The following FAF1 variants were observed in gnomAD, a reference collection of about 807,000 sequenced individuals.
FAF1 encodes the protein FAS-associated factor 1.
Under a neutral mutation model 92.5 loss-of-function variants are expected in FAF1, and 25 were observed. The ratio of observed to expected loss-of-function variants is 0.27; its 90% CI spans 0.20 to 0.38. FAF1 has a LOEUF of 0.38. Ranked by LOEUF, FAF1 falls within the 10% of genes least tolerant of loss-of-function variation. FAF1 has a pLI of 1.00. For missense variants in FAF1, 636 were observed against 793.3 expected (o/e 0.80, Z 2.38); for synonymous variants, 234 against 273.2 (o/e 0.86, Z 1.42).
At chr1:50,491,858 A>T in intron 15 of FAF1, 57 bp from the exon 16 acceptor site, 2 of 1,376,486 alleles carry the variant, frequency 1.5e-6, no homozygotes, top group Non-Finnish European at 2.0e-6. Flanking sequence ...GAAAAAAAAG[A>T]GAAAAAAAAC....
intron 15 of FAF1, among the ~76,000 whole-genome samples, chr1:50,510,810 G>C (rs1488132519): frequency 6.6e-6 from 1 of 151,888 alleles, no homozygotes; most frequent in East Asian, 1.9e-4. Flanking sequence ...TAATATACTA[G>C]TCAGAATAGA....
intron 8 of FAF1, among the ~76,000 whole-genome samples, chr1:50,598,601 ACTCAAAGT>A (rs1333001480): frequency 1.3e-5 from 2 of 152,066 alleles, no homozygotes; most frequent in African/African-American, 4.8e-5. Context: ...GTGAGTGAAT[ACTCAAAGT>A]CCATTTGAAG....
chr1:50,930,508 A>C (rs1645039140), intron 1 of FAF1, among the ~76,000 whole-genome samples: 1 of 152,212 alleles, frequency 6.6e-6, no homozygotes, highest in South Asian at 2.1e-4. Flanking sequence ...AATGGTAATA[A>C]CAACAATCTT....
intron 1 of FAF1, among the ~76,000 whole-genome samples, chr1:50,883,227 A>G (rs1444677732): frequency 2.0e-5 from 3 of 152,172 alleles, no homozygotes; most frequent in Non-Finnish European, 4.4e-5. Context: ...TCTGAAATAA[A>G]AAGAAAAATA....
intron 7 of FAF1, among the ~76,000 whole-genome samples, chr1:50,665,895 G>A (rs984593399): frequency 1.3e-5 from 2 of 152,026 alleles, no homozygotes; most frequent in Admixed American, 1.3e-4. Flanking sequence ...AAAAAGATCA[G>A]GCCAGGTGCA....
intron 7 of FAF1, among the ~76,000 whole-genome samples, chr1:50,678,579 A>C (rs1656260926): frequency 6.6e-6 from 1 of 151,894 alleles, no homozygotes; most frequent in Non-Finnish European, 1.5e-5. Flanking sequence ...CAGGAGATAG[A>C]GACCATCCTG....
intron 12 of FAF1, among the ~76,000 whole-genome samples, chr1:50,576,611 A>G (rs1572845125): frequency 1.3e-5 from 2 of 150,772 alleles, no homozygotes; most frequent in Admixed American, 6.6e-5. Flanking sequence ...CCCCAAGGAA[A>G]AAAAAGACTC....
chr1:50,535,648 T>C (rs1431762648), intron 14 of FAF1, among the ~76,000 whole-genome samples, 191 bp from the exon 15 acceptor site: 1 of 152,182 alleles, frequency 6.6e-6, no homozygotes, highest in Non-Finnish European at 1.5e-5. Flanking sequence ...AATAGTAGTA[T>C]ACTGGCAGTT....
chr1:50,836,768 G>C (rs549654603), intron 2 of FAF1, among the ~76,000 whole-genome samples: 1 of 152,036 alleles, frequency 6.6e-6, no homozygotes, highest in African/African-American at 2.4e-5. Context: ...AAAGTAAATT[G>C]CAAGCATTAT....
intron 2 of FAF1, among the ~76,000 whole-genome samples, chr1:50,828,674 TACGACATTAAATATAAAAGGTAAAAAC>T (rs1264416188): frequency 6.6e-6 from 1 of 152,134 alleles, no homozygotes; most frequent in Non-Finnish European, 1.5e-5. Context: ...TTCGATAAAT[TACGACATTAAATATAAAAGGTAAAAAC>T]AATGCTTCTA....
At chr1:50,716,339 A>T (rs1001161686) in intron 6 of FAF1, among the ~76,000 whole-genome samples, 12 of 152,294 alleles carry the variant, frequency 7.9e-5, no homozygotes, top group Middle Eastern at 3.4e-3. Flanking sequence ...ACTAACCCAT[A>T]GCCCACCTAT....
intron 4 of FAF1, among the ~76,000 whole-genome samples, chr1:50,745,250 G>A (rs762320096): frequency 3.9e-5 from 6 of 152,242 alleles, no homozygotes; most frequent in South Asian, 2.1e-4. Flanking sequence ...GCAGTGAGCC[G>A]AGATCGTGCC....
At chr1:50,628,998 C>T (rs1441213196) in intron 8 of FAF1, among the ~76,000 whole-genome samples, 2 of 152,078 alleles carry the variant, frequency 1.3e-5, no homozygotes, top group Non-Finnish European at 2.9e-5. Flanking sequence ...GAATAATAGC[C>T]TTCAGCTCAT....
At chr1:50,860,515 TCA>T (rs1320179769) in intron 1 of FAF1, among the ~76,000 whole-genome samples, 23 of 151,680 alleles carry the variant, frequency 1.5e-4, no homozygotes, top group Non-Finnish European at 1.5e-5. Flanking sequence ...ACATCACCAA[TCA>T]CAGAGAAATG....
chr1:50,688,096 A>T (rs1194160217), intron 7 of FAF1, among the ~76,000 whole-genome samples: 1 of 151,876 alleles, frequency 6.6e-6, no homozygotes, highest in Non-Finnish European at 1.5e-5. Flanking sequence ...GATCGCACCC[A>T]CTGCACTCCA....
chr1:50,882,810 A>AC (rs1356581651), intron 1 of FAF1, among the ~76,000 whole-genome samples: 21 of 151,582 alleles, frequency 1.4e-4, no homozygotes, highest in African/African-American at 4.6e-4. Flanking sequence ...ACATGGTGAA[A>AC]CCCCATCTCT....
rs980995644 is a variant in FAF1 at position 50,439,465 on chromosome 1, C to T, written c.*1975G>A. 3 of 152,254 alleles carry T rather than the reference C, an allele frequency of 2.0e-5. No homozygotes were observed. The East Asian group carries it at 5.8e-4, about 29-fold the overall frequency. The allele number at this position is 152,254 out of a possible 1,614,324, so 9.4% of individuals were successfully genotyped here. ...ACATTCAAGTAGCATTTAATAACTT[C>T]CATGAAATTGGCTTTAGAGTAAAGT... is the stretch of plus-strand genomic sequence containing the variant. On this transcript the variant is annotated 3_prime_UTR_variant, in exon 19 of 19. Coordinates refer to ENST00000396153, the MANE Select transcript of FAF1 (RefSeq NM_007051.3).
intron 8 of FAF1, among the ~76,000 whole-genome samples, chr1:50,648,064 G>C (rs1654677497): frequency 6.6e-6 from 1 of 152,096 alleles, no homozygotes; most frequent in Non-Finnish European, 1.5e-5. Flanking sequence ...TTAGAGACCA[G>C]CCTGGCCGAC....
rs145840783 is a variant in FAF1, at chr1:50,652,286, G to A, written c.744+3156C>T. Among the ~76,000 whole-genome samples, 18 of 152,126 alleles carry A rather than the reference G, an allele frequency of 1.2e-4. No individual in the cohort carries two copies. The East Asian group carries it at 3.1e-3, about 26-fold the overall frequency. Reference sequence around the variant, plus strand: ...TAATTAGACTGCATGACAACTCTTTGGCAAAAAATTAAATGTTATAAAAAC... The same window carrying A: ...TAATTAGACTGCATGACAACTCTTTAGCAAAAAATTAAATGTTATAAAAAC... On this transcript the variant is annotated intron_variant, in intron 8 of 18. Transcript: ENST00000396153.
Sources: gnomAD v4.1 joint callset for allele counts (sites outside exome capture counted in the v4.1 genomes callset) on GRCh38, gnomAD v4.1.1 for gene constraint, MANE v1.5 for transcripts, NCBI Gene and HGNC (gene_info 2026-07-23, HGNC 2026-07-21) for gene names.